KAZN: variants seen among roughly 807,000 people sequenced by gnomAD.
KAZN encodes kazrin.
KAZN carries 40 observed loss-of-function variants against 87.4 expected under a neutral mutation model. The ratio of observed to expected loss-of-function variants is 0.46; its 90% CI spans 0.36 to 0.60. The LOEUF is 0.60. Ranked by LOEUF, KAZN falls within the 20% of genes least tolerant of loss-of-function variation. KAZN has a pLI of 0.00. For missense variants in KAZN, 898 were observed against 1,073.9 expected, an observed-to-expected ratio of 0.84 and a Z score of 2.29; for synonymous variants, 466 against 458.3, an observed-to-expected ratio of 1.02 and a Z score of -0.22.
At chr1:14,564,952 A>G (rs1210553782) in intron 2 of KAZN, among the ~76,000 whole-genome samples, 2 of 152,240 alleles carry the variant, frequency 1.3e-5, no homozygotes, top group Admixed American at 1.3e-4. Flanking sequence ...GACAGACACT[A>G]TCGACAGTAT....
intron 1 of KAZN, among the ~76,000 whole-genome samples, chr1:13,992,437 A>G (rs1427150671): frequency 1.3e-5 from 2 of 152,188 alleles, no homozygotes; most frequent in Non-Finnish European, 1.5e-5. Context: ...TTAGTCTCTG[A>G]AAAGAAATTC....
At chr1:14,610,644 C>T (rs2148619954) in intron 1 of KAZN, among the ~76,000 whole-genome samples, 1 of 151,930 alleles carries the variant, frequency 6.6e-6, no homozygotes, top group Non-Finnish European at 1.5e-5. Context: ...CTGTTTATTT[C>T]AGTGGCCTAG....
chr1:14,313,781 T>G (rs1311995918), intron 2 of KAZN, among the ~76,000 whole-genome samples: 1 of 152,122 alleles, frequency 6.6e-6, no homozygotes, highest in Non-Finnish European at 1.5e-5. Flanking sequence ...AAAATCTAAT[T>G]TAATTTTAAC....
chr1:15,031,283 C>A (rs1231844799), intron 2 of KAZN, among the ~76,000 whole-genome samples: 1 of 152,218 alleles, frequency 6.6e-6, no homozygotes, highest in Non-Finnish European at 1.5e-5. Flanking sequence ...TTTCCAGAGT[C>A]ATAGAGTTGC....
At chr1:14,503,146 A>C (rs758414405) in intron 2 of KAZN, among the ~76,000 whole-genome samples, 1 of 152,016 alleles carries the variant, frequency 6.6e-6, no homozygotes, top group Non-Finnish European at 1.5e-5. Context: ...CTCCTCTAGG[A>C]AATGGGTCAA....
At chr1:14,775,717 A>G (rs1198342568) in intron 1 of KAZN, among the ~76,000 whole-genome samples, 1 of 152,254 alleles carries the variant, frequency 6.6e-6, no homozygotes, top group Non-Finnish European at 1.5e-5. Flanking sequence ...CCTTAGGCTC[A>G]TAGCATCTAT....
At chr1:14,477,397 C>T (rs1668801294) in intron 2 of KAZN, among the ~76,000 whole-genome samples, 1 of 151,708 alleles carries the variant, frequency 6.6e-6, no homozygotes, top group African/African-American at 2.4e-5. Flanking sequence ...TGAAAACAGA[C>T]TAATATACAC....
intron 2 of KAZN, among the ~76,000 whole-genome samples, chr1:14,229,363 A>G (rs1647593573): frequency 6.6e-6 from 1 of 152,210 alleles, no homozygotes. Flanking sequence ...CTTCGTGAAA[A>G]TATAACATTT....
At chr1:14,886,273 A>C (rs111851166) in intron 1 of KAZN, among the ~76,000 whole-genome samples, 6 of 152,036 alleles carry the variant, frequency 3.9e-5, no homozygotes, top group Non-Finnish European at 5.9e-5. Context: ...AGATTAAAAA[A>C]TCAGCTGGGC....
intron 2 of KAZN, among the ~76,000 whole-genome samples, chr1:14,478,045 C>T (rs1045689058): frequency 1.2e-4 from 18 of 152,210 alleles, no homozygotes; most frequent in African/African-American, 4.3e-4. Flanking sequence ...TACAGTCTCA[C>T]TCACCTCACT....
chr1:14,742,067 C>T (rs983258516), intron 1 of KAZN, among the ~76,000 whole-genome samples: 1 of 152,138 alleles, frequency 6.6e-6, no homozygotes, highest in Non-Finnish European at 1.5e-5. Flanking sequence ...GATTCCTCCC[C>T]CTTTGGAATT....
chr1:14,606,730 A>G (rs1677397205), intron 1 of KAZN, among the ~76,000 whole-genome samples: 2 of 152,122 alleles, frequency 1.3e-5, no homozygotes, highest in Non-Finnish European at 2.9e-5. Context: ...TAGCCCCAGT[A>G]CTATTGACAT....
intron 4 of KAZN, among the ~76,000 whole-genome samples, chr1:15,054,345 A>C (rs535412088): frequency 1.5e-4 from 23 of 152,166 alleles, no homozygotes; most frequent in African/African-American, 5.3e-4. Flanking sequence ...CCCTGTCATG[A>C]GCCCCCGGAG....
chr1:14,077,122 G>T (rs1297255074), intron 1 of KAZN, among the ~76,000 whole-genome samples: 1 of 152,126 alleles, frequency 6.6e-6, no homozygotes, highest in African/African-American at 2.4e-5. Flanking sequence ...TGCCAGGAAG[G>T]TTCTCAGTTT....
chr1:14,841,689 A>G (rs1557545281), intron 1 of KAZN, among the ~76,000 whole-genome samples: 1 of 152,120 alleles, frequency 6.6e-6, no homozygotes, highest in Admixed American at 6.5e-5. Flanking sequence ...CAACACAGAA[A>G]CCAGCAGATG....
chr1:14,383,350 T>G lies in KAZN; in HGVS notation c.249+202758T>G, dbSNP rs1053688007. Among the ~76,000 whole-genome samples, 8 of 152,044 alleles carry G rather than the reference T, an allele frequency of 5.3e-5. No homozygotes were observed. The East Asian group carries it at 1.4e-3, about 26-fold the overall frequency. The stretch of plus-strand genomic sequence containing the variant: ...TCCCATTTGTCAATTTTGTCTTTTG[T>G]TGCCATTGCTTTTGGTGTTTTAGAT... On this transcript the variant is annotated intron_variant, in intron 2 of 16. Transcript: ENST00000636203.
chr1:14,253,277 C>T (rs915732699), intron 2 of KAZN, among the ~76,000 whole-genome samples: 17 of 152,158 alleles, frequency 1.1e-4, no homozygotes, highest in African/African-American at 3.6e-4. Flanking sequence ...AAGTCCCATA[C>T]AGCATTTTAA....
intron 1 of KAZN, among the ~76,000 whole-genome samples, chr1:14,937,718 A>AC (rs1660615389): frequency 1.3e-5 from 2 of 152,218 alleles, no homozygotes; most frequent in African/African-American, 4.8e-5. Flanking sequence ...GAGGTCAGCA[A>AC]CAGCAGCTGG....
intron 2 of KAZN, among the ~76,000 whole-genome samples, chr1:14,289,282 G>A (rs944259195): frequency 3.9e-5 from 6 of 152,152 alleles, no homozygotes; most frequent in African/African-American, 1.4e-4. Flanking sequence ...ACAATGGGGT[G>A]TTAAAATCTC....
Sources: gnomAD v4.1 joint callset for allele counts (sites outside exome capture counted in the v4.1 genomes callset) on GRCh38, gnomAD v4.1.1 for gene constraint, MANE v1.5 for transcripts, NCBI Gene and HGNC (gene_info 2026-07-23, HGNC 2026-07-21) for gene names.